Variants in CACNA1D observed in about 807,000 individuals in gnomAD.
CACNA1D encodes calcium voltage-gated channel subunit alpha1 D.
Under a neutral mutation model 257.1 loss-of-function variants are expected in CACNA1D, and 55 were observed. The ratio of observed to expected loss-of-function variants is 0.21; its 90% CI spans 0.17 to 0.27. CACNA1D has a LOEUF of 0.27. CACNA1D is among the 10% of genes least tolerant of loss of function. The pLI is 1.00. For synonymous variants in CACNA1D, 980 were observed against 1,014.9 expected, an observed-to-expected ratio of 0.97 and a Z score of 0.65; for missense variants, 1,876 against 2,784.0, an observed-to-expected ratio of 0.67 and a Z score of 7.34.
At chr3:53,717,466 A>G (rs2094831876) in intron 9 of CACNA1D, among the ~76,000 whole-genome samples, 1 of 152,238 alleles carries the variant, frequency 6.6e-6, no homozygotes, top group South Asian at 2.1e-4. Flanking sequence ...CTCGTGCACC[A>G]GATGGTGGCC....
rs1240083098 is a variant in CACNA1D, at chr3:53,735,451, G to C, written c.2699G>C (p.Ser900Thr). The C allele has an allele frequency of 6.2e-7, 1 of 1,614,060 alleles. No homozygotes were observed. The highest frequency in any genetic ancestry group is 1.3e-5 in the African/African-American group (1 of 74,952). Residue 900 changes from serine to threonine, a missense_variant, in exon 20 of 48, where the codon AGC (serine) becomes ACC (threonine). This residue lies in a region of CACNA1D where 271 missense variants were observed against 425.5 expected (regional missense o/e 0.64). Coordinates refer to ENST00000350061, the MANE Select transcript of CACNA1D (RefSeq NM_001128840.3). ...NLILVFIMLS[S>T]AALAAEDPIR... ...ATCCTTGTCTTCATCATGCTGAGCA[G>C]CGCTGCCCTGGCCGCAGAGGACCCC...
At chr3:53,810,774 A>AAAAAAAC (rs2095595247) in intron 47 of CACNA1D, among the ~76,000 whole-genome samples, 1 of 149,094 alleles carries the variant, frequency 6.7e-6, no homozygotes, top group African/African-American at 2.5e-5. Flanking sequence ...AAAAAAAAAA[A>AAAAAAAC]AAAAAAAAAA....
chr3:53,664,825 G>T (rs865940965), intron 5 of CACNA1D, among the ~76,000 whole-genome samples: 1 of 152,262 alleles, frequency 6.6e-6, no homozygotes, highest in Non-Finnish European at 1.5e-5. Flanking sequence ...TGGAAGAAGG[G>T]GTCAGGGGGC....
At chr3:53,593,177 A>G (rs142935321) in intron 3 of CACNA1D, among the ~76,000 whole-genome samples, 1 of 152,262 alleles carries the variant, frequency 6.6e-6, no homozygotes, top group African/African-American at 2.4e-5. Context: ...CTTGATAGCT[A>G]CTGTTTTGAA....
chr3:53,685,285 T>C (rs1457397600), intron 8 of CACNA1D, among the ~76,000 whole-genome samples: 1 of 152,198 alleles, frequency 6.6e-6, no homozygotes, highest in African/African-American at 2.4e-5. Flanking sequence ...TGATCCTAAA[T>C]GTGTTGGCAC....
At chr3:53,731,450 T>A (rs558673770) in intron 17 of CACNA1D, among the ~76,000 whole-genome samples, 3 of 152,232 alleles carry the variant, frequency 2.0e-5, no homozygotes, top group Non-Finnish European at 2.9e-5. Context: ...CAGGATCACG[T>A]TAGCATCTTC....
chr3:53,607,638 C>T (rs2093529377), intron 3 of CACNA1D, among the ~76,000 whole-genome samples: 1 of 152,158 alleles, frequency 6.6e-6, no homozygotes, highest in Admixed American at 6.5e-5. Flanking sequence ...TGGATTCTCC[C>T]CCAGAGAATA....
intron 29 of CACNA1D, among the ~76,000 whole-genome samples, chr3:53,754,339 G>T (rs577317417): frequency 6.6e-6 from 1 of 152,328 alleles, no homozygotes; most frequent in Non-Finnish European, 1.5e-5. Context: ...CAGATGAGGG[G>T]CAGTGTAGTT....
chr3:53,672,982 C>T (rs1447146680), intron 7 of CACNA1D, 41 bp from the exon 8 acceptor site: 1 of 1,309,770 alleles, frequency 7.6e-7, no homozygotes, highest in African/African-American at 1.5e-5. Context: ...ATTAAATCCT[C>T]TTATTAACCC....
chr3:53,770,618 C>G, intron 32 of CACNA1D, 66 bp downstream of exon 32: 1 of 1,520,838 alleles, frequency 6.6e-7, no homozygotes, highest in Non-Finnish European at 9.1e-7. Context: ...GTGATTGTCC[C>G]CATCCTAGAG....
intron 3 of CACNA1D, among the ~76,000 whole-genome samples, chr3:53,505,181 TC>T (rs1472673324): frequency 1.1e-4 from 16 of 143,766 alleles, no homozygotes; most frequent in Non-Finnish European, 6.0e-5. Context: ...CAATTTCGGC[TC>T]ACTGCAAGCT....
intron 9 of CACNA1D, among the ~76,000 whole-genome samples, chr3:53,716,710 A>G (rs1436439136): frequency 1.3e-5 from 2 of 152,190 alleles, no homozygotes; most frequent in Admixed American, 6.5e-5. Flanking sequence ...ACATGAGTCT[A>G]TAATTTTACT....
intron 3 of CACNA1D, among the ~76,000 whole-genome samples, chr3:53,614,574 T>C (rs978385770): frequency 2.6e-5 from 4 of 152,212 alleles, no homozygotes; most frequent in Admixed American, 2.6e-4. Context: ...AAATGCTTTC[T>C]TCCTGTTAAA....
chr3:53,764,883 T>C (rs2095323916), intron 30 of CACNA1D, among the ~76,000 whole-genome samples: 1 of 152,236 alleles, frequency 6.6e-6, no homozygotes, highest in African/African-American at 2.4e-5. Flanking sequence ...ACTCCCATAG[T>C]GTGCTTTCAG....
At chr3:53,617,778 G>A (rs1377276875) in intron 3 of CACNA1D, among the ~76,000 whole-genome samples, 1 of 152,188 alleles carries the variant, frequency 6.6e-6, no homozygotes, top group Non-Finnish European at 1.5e-5. Flanking sequence ...ACTCAGCTAG[G>A]GACGCAGCTG....
intron 14 of CACNA1D, among the ~76,000 whole-genome samples, chr3:53,725,294 C>T (rs959808476): frequency 2.0e-5 from 3 of 152,138 alleles, no homozygotes; most frequent in African/African-American, 7.2e-5. Context: ...GCTGCCCCTC[C>T]TTTGAAACGC....
At chr3:53,539,988 A>T (rs2092251790) in intron 3 of CACNA1D, among the ~76,000 whole-genome samples, 1 of 151,400 alleles carries the variant, frequency 6.6e-6, no homozygotes, top group African/African-American at 2.4e-5. Context: ...TGTATTGGGT[A>T]CAGGTTTTGA....
intron 20 of CACNA1D, among the ~76,000 whole-genome samples, chr3:53,739,077 T>C (rs759497068): frequency 6.6e-6 from 1 of 152,216 alleles, no homozygotes; most frequent in Non-Finnish European, 1.5e-5. Flanking sequence ...AGAGAGAGAC[T>C]GGGCTTGAAA....
intron 40 of CACNA1D, chr3:53,790,990 C>T (rs2095479816): frequency 5.7e-6 from 4 of 702,194 alleles, no homozygotes; most frequent in Admixed American, 4.0e-5. Context: ...GATGCTTGAA[C>T]GGATGCTTTA....
Sources: gnomAD v4.1 joint callset for allele counts (sites outside exome capture counted in the v4.1 genomes callset) on GRCh38, gnomAD v4.1.1 for gene constraint, gnomAD v4.1.1 regional missense constraint, MANE v1.5 for transcripts, NCBI Gene and HGNC (gene_info 2026-07-23, HGNC 2026-07-21) for gene names.